ASMT: variants seen among roughly 807,000 people sequenced by gnomAD.
ASMT encodes acetylserotonin O-methyltransferase.
Under a neutral mutation model 41.3 loss-of-function variants are expected in ASMT, and 53 were observed. The ratio of observed to expected loss-of-function variants is 1.28; its 90% confidence interval spans 1.03 to 1.61. The LOEUF is 1.61. Among genes scored for constraint, ASMT ranks in the 40% most tolerant of loss-of-function variants. The pLI is 0.00. For missense variants in ASMT, 531 were observed against 441.3 expected, an observed-to-expected ratio of 1.20 and a Z score of -1.82; for synonymous variants, 231 against 184.8, an observed-to-expected ratio of 1.25 and a Z score of -2.03.
chrX:1,642,595 T>C (rs1430461119), intron 8 of ASMT, among the ~76,000 whole-genome samples: 1 of 151,790 alleles, frequency 6.6e-6, no homozygotes, highest in Non-Finnish European at 1.5e-5. Context: ...ACAGCCTCTA[T>C]GTGTGTGATG....
At chrX:1,625,522 G>A (rs1934499679) in intron 3 of ASMT, among the ~76,000 whole-genome samples, 1 of 137,320 alleles carries the variant, frequency 7.3e-6, no homozygotes, top group Non-Finnish European at 1.6e-5. Context: ...AAGAGAGAGA[G>A]AGGGGAGAAG....
chrX:1,633,290 GGT>G lies in ASMT; in HGVS notation c.787+5_787+6del. On this transcript the variant is annotated splice_donor_variant, in intron 7 of 8. Transcript: ENST00000381241. LOFTEE classifies it high-confidence loss of function. ...GGAAGAACAGATTGACTTCCAGGAA[GGT>G]GTGTTTGTGTCCGTGGGGAAGCAGA... 6.2e-7 allele frequency: 1 copy of G among 1,613,898 alleles called. No individual in the cohort carries two copies. The highest frequency in any genetic ancestry group is 8.5e-7 in the Non-Finnish European group (1 of 1,179,852).
At position 1,642,849 on chromosome X, in the gene ASMT, A is replaced by G; in HGVS notation, c.957A>G (p.Arg319=). The change falls in exon 9 of 9, where the codon CGA becomes CGG. Residue 319 remains arginine, a synonymous_variant. Coordinates refer to ENST00000381241, the MANE Select transcript of ASMT (RefSeq NM_001171038.2). ...VIESLLDEDR[R]GPLLTQLYSL... ...AAAGCCTCCTGGATGAAGACAGGCG[A>G]GGTCCTCTGCTCACGCAGCTCTACT... is the stretch of plus-strand genomic sequence containing the variant. The G allele has an allele frequency of 6.2e-7, 1 of 1,613,948 alleles. No individual in the cohort carries two copies.
intron 7 of ASMT, among the ~76,000 whole-genome samples, chrX:1,634,478 G>A (rs1474147292): frequency 6.6e-6 from 1 of 152,160 alleles, no homozygotes; most frequent in African/African-American, 2.4e-5. Flanking sequence ...AGTTCCCAAG[G>A]TGATCCTATA....
At chrX:1,624,975 C>A (rs1207502102) in intron 3 of ASMT, among the ~76,000 whole-genome samples, 1 of 152,066 alleles carries the variant, frequency 6.6e-6, no homozygotes, top group Non-Finnish European at 1.5e-5. Context: ...TGACCCCAGG[C>A]AGATGCTGGG....
In ASMT at chrX:1,629,814, A is replaced by G; in HGVS notation, c.444-7A>G. On this transcript the variant is annotated splice_region_variant and splice_polypyrimidine_tract_variant and intron_variant, in intron 4 of 8. Coordinates refer to ENST00000381241, the MANE Select transcript of ASMT (RefSeq NM_001171038.2). ...ACCATCTTGACAAGCGTGGTTTTGCATGCCAGGTCCGAGGGCGAGCGGCTA... is the reference window on the plus strand; with the variant it reads ...ACCATCTTGACAAGCGTGGTTTTGCGTGCCAGGTCCGAGGGCGAGCGGCTA... 1 of 1,613,740 alleles carries G rather than the reference A, an allele frequency of 6.2e-7. No individual in the cohort carries two copies. The highest frequency in any genetic ancestry group is 8.5e-7 in the Non-Finnish European group (1 of 1,179,754).
chrX:1,631,794 A>C (rs1159463597), intron 5 of ASMT, among the ~76,000 whole-genome samples: 1 of 151,936 alleles, frequency 6.6e-6, no homozygotes, highest in South Asian at 2.1e-4. Context: ...TCATGCCTGT[A>C]ATCCCAGCAC....
Position 1,636,442 on chromosome X carries a change from T to A in ASMT, c.792T>A (p.Asp264Glu), listed in dbSNP as rs1384141239. 1 of 1,613,846 alleles carries A rather than the reference T, an allele frequency of 6.2e-7. No individual in the cohort carries two copies. The highest frequency in any genetic ancestry group is 1.7e-5 in the Admixed American group (1 of 59,992). ...EEEQIDFQEG[D>E]FFKDPLPEAD... Reference sequence around the variant, plus strand: ...TGTGCCTGCCCTGTGTTCCAGGGGATTTCTTCAAAGACCCTCTTCCGGAAG... The same window carrying A: ...TGTGCCTGCCCTGTGTTCCAGGGGAATTCTTCAAAGACCCTCTTCCGGAAG... The change falls in exon 8 of 9, where the codon GAT becomes GAA. Residue 264 changes from aspartate (D) to glutamate (E), a missense_variant. Physicochemically the swap from Asp to Glu is conservative, Grantham distance 45. Transcript: ENST00000381241.
intron 1 of ASMT, among the ~76,000 whole-genome samples, chrX:1,621,549 C>T (rs1338115515): frequency 6.6e-6 from 1 of 152,098 alleles, no homozygotes; most frequent in African/African-American, 2.4e-5. Context: ...AACTCCTGAC[C>T]TCAGGTGATC....
In ASMT at chrX:1,615,172, C is replaced by T. The variant is rs368872433; in HGVS notation, c.-28C>T. On this transcript the variant is annotated 5_prime_UTR_variant, in exon 1 of 9. Coordinates refer to ENST00000381241, the MANE Select transcript of ASMT (RefSeq NM_001171038.2). Reference sequence around the variant, plus strand: ...CTTGAAGCAAGCGCTCCAGAGGCTCCGGAAGCCACGGCTGGATTGGAGACA... The same window carrying T: ...CTTGAAGCAAGCGCTCCAGAGGCTCTGGAAGCCACGGCTGGATTGGAGACA... 8.2e-5 allele frequency: 129 copies of T among 1,572,612 alleles called. 1 individual carries two copies. The highest frequency in any genetic ancestry group is 1.7e-4 in the Middle Eastern group (1 of 6,024).
intron 7 of ASMT, 158 bp downstream of exon 7, chrX:1,633,448 C>T (rs1934850548): frequency 8.0e-6 from 2 of 248,564 alleles, no homozygotes; most frequent in African/African-American, 4.6e-5. Flanking sequence ...GGATGGAAAG[C>T]TGGGTGTAGA....
intron 5 of ASMT, among the ~76,000 whole-genome samples, chrX:1,632,292 G>C (rs1342815265): frequency 6.6e-6 from 1 of 152,152 alleles, no homozygotes; most frequent in Non-Finnish European, 1.5e-5. Flanking sequence ...CAGCCAGAAA[G>C]ACCACCTGAA....
At chrX:1,641,931 CTT>C (rs1346073614) in intron 8 of ASMT, among the ~76,000 whole-genome samples, 1 of 147,634 alleles carries the variant, frequency 6.8e-6, no homozygotes, top group Admixed American at 7.1e-5. Context: ...GGCACAACCT[CTT>C]TGTGTGTGAT....
chrX:1,621,193 C>G (rs113294849), intron 1 of ASMT, among the ~76,000 whole-genome samples: 2 of 152,198 alleles, frequency 1.3e-5, no homozygotes, highest in African/African-American at 4.8e-5. Context: ...CTGGAAGACA[C>G]GTGGCCTGAA....
intron 1 of ASMT, among the ~76,000 whole-genome samples, chrX:1,621,472 C>CAT (rs1401013964): frequency 6.6e-6 from 1 of 151,974 alleles, no homozygotes; most frequent in Non-Finnish European, 1.5e-5. Flanking sequence ...CTCACACCAC[C>CAT]ATGCCCAGCT....
chrX:1,621,056 G>A lies in ASMT; in HGVS notation c.70-2083G>A, dbSNP rs1423794915. Among the ~76,000 whole-genome samples, 8 of 151,680 alleles carry A rather than the reference G, an allele frequency of 5.3e-5. 1 individual carries two copies. Among genetic ancestry groups the A allele is most frequent in the South Asian group, 2.1e-4 (1 of 4,788 alleles). ...GGTTGCCGTGAGCCGAGATTGCACC[G>A]CTGCACTCCAGCCTGGGTGACAGAG... On this transcript the variant is annotated intron_variant, in intron 1 of 8. Transcript: ENST00000381241.
At chrX:1,637,085 G>T (rs1569384615) in intron 8 of ASMT, among the ~76,000 whole-genome samples, 2 of 98,190 alleles carry the variant, frequency 2.0e-5, no homozygotes, top group South Asian at 3.2e-4. Context: ...CTGTGTGTGA[G>T]ATAAGGACTG....
intron 1 of ASMT, among the ~76,000 whole-genome samples, chrX:1,618,580 G>A (rs1181449515): frequency 6.7e-6 from 1 of 149,504 alleles, no homozygotes; most frequent in Non-Finnish European, 1.5e-5. Flanking sequence ...GATGACGGGC[G>A]TGAGCCACTG....
In ASMT at chrX:1,641,247, T is replaced by C. The variant is rs182325836; in HGVS notation, c.911-1556T>C. On this transcript the variant is annotated intron_variant, in intron 8 of 8. Coordinates refer to ENST00000381241, the MANE Select transcript of ASMT (RefSeq NM_001171038.2). Reference sequence around the variant, plus strand: ...TGTGAGATCCATCCCTCCTGATGGTTCATGAGGATGTGGGCACAGCCTCTG... The same window carrying C: ...TGTGAGATCCATCCCTCCTGATGGTCCATGAGGATGTGGGCACAGCCTCTG... 1.7e-3 allele frequency among the ~76,000 whole-genome samples: 4 copies of C among 2,424 alleles called. No homozygotes were observed. The Admixed American group carries it at 0.018, about 11-fold the overall frequency. The allele number at this position is 2,424 out of a possible 152,430, so 1.6% of individuals were successfully genotyped here.
Sources: gnomAD v4.1 joint callset for allele counts (sites outside exome capture counted in the v4.1 genomes callset) on GRCh38, gnomAD v4.1.1 for gene constraint, MANE v1.5 for transcripts, NCBI Gene and HGNC (gene_info 2026-07-23, HGNC 2026-07-21) for gene names.